The following SCP2 variants were observed in gnomAD, a reference collection of about 807,000 sequenced individuals.
SCP2 encodes the protein sterol carrier protein 2.
Under a neutral mutation model 71.4 loss-of-function variants are expected in SCP2, and 48 were observed. The observed-to-expected ratio is 0.67, with a 90% CI of 0.53 to 0.86. The LOEUF is 0.86. Ranked by LOEUF, SCP2 falls within the 40% of genes least tolerant of loss-of-function variation. The pLI is 0.00. For missense variants in SCP2, 560 were observed against 655.6 expected, an observed-to-expected ratio of 0.85 and a Z score of 1.59; for synonymous variants, 220 against 218.1, an observed-to-expected ratio of 1.01 and a Z score of -0.08.
chr1:52,986,250 T>C (rs6670262), intron 10 of SCP2, among the ~76,000 whole-genome samples: 21,986 of 152,268 alleles, frequency 0.14, 2,205 homozygotes, highest in East Asian at 0.32. Context: ...TTTAATACTT[T>C]ACAAGATTGT....
intron 11 of SCP2, among the ~76,000 whole-genome samples, chr1:52,996,850 G>A (rs1488489744): frequency 1.3e-5 from 2 of 152,200 alleles, no homozygotes; most frequent in Admixed American, 6.5e-5. Context: ...TCATTCCCCA[G>A]AGGGAAGGGG....
intron 6 of SCP2, among the ~76,000 whole-genome samples, 194 bp from the exon 7 acceptor site, chr1:52,974,575 T>G (rs1173262568): frequency 6.6e-6 from 1 of 152,216 alleles, no homozygotes; most frequent in African/African-American, 2.4e-5. Flanking sequence ...GTTGATTCAG[T>G]TCGTTAATTA....
At chr1:52,960,129 A>G (rs1656205246) in intron 5 of SCP2, among the ~76,000 whole-genome samples, 1 of 151,844 alleles carries the variant, frequency 6.6e-6, no homozygotes, top group Non-Finnish European at 1.5e-5. Flanking sequence ...TGACCTCGTG[A>G]TCCGCCCGCC....
At chr1:52,978,450 A>G in intron 9 of SCP2, 83 bp downstream of exon 9, 1 of 1,059,348 alleles carries the variant, frequency 9.4e-7, no homozygotes. Context: ...ATTATTATAT[A>G]ATAACTTTTA....
chr1:52,981,050 G>T (rs1221745466), intron 10 of SCP2, among the ~76,000 whole-genome samples: 4 of 152,180 alleles, frequency 2.6e-5, no homozygotes, highest in Non-Finnish European at 5.9e-5. Flanking sequence ...TCCTGCCTCA[G>T]CCTCCTGTGT....
At chr1:53,023,691 C>G (rs1040771099) in intron 12 of SCP2, among the ~76,000 whole-genome samples, 1 of 151,914 alleles carries the variant, frequency 6.6e-6, no homozygotes, top group African/African-American at 2.4e-5. Flanking sequence ...TATTCTGGAC[C>G]CAGGGAGCAG....
At chr1:53,006,901 A>C (rs1660672970) in intron 11 of SCP2, among the ~76,000 whole-genome samples, 1 of 152,186 alleles carries the variant, frequency 6.6e-6, no homozygotes, top group Non-Finnish European at 1.5e-5. Context: ...ACGTGCAGAG[A>C]CACACATAGG....
intron 13 of SCP2, among the ~76,000 whole-genome samples, chr1:53,037,661 A>G (rs952430016): frequency 4.0e-4 from 61 of 152,150 alleles, no homozygotes; most frequent in African/African-American, 1.3e-3. Context: ...AATTCTTTAT[A>G]CTGATAGAGA....
chr1:53,029,526 T>C (rs1036715267), intron 13 of SCP2, among the ~76,000 whole-genome samples: 5 of 152,192 alleles, frequency 3.3e-5, no homozygotes, highest in Non-Finnish European at 7.3e-5. Flanking sequence ...CAAAGTGGGC[T>C]GGAATAAATA....
At chr1:52,927,823 C>A (rs1402775145) in intron 1 of SCP2, among the ~76,000 whole-genome samples, 1 of 152,160 alleles carries the variant, frequency 6.6e-6, no homozygotes, top group Non-Finnish European at 1.5e-5. Flanking sequence ...GAACAGCCCC[C>A]ACAGGAGCCC....
intron 11 of SCP2, among the ~76,000 whole-genome samples, chr1:53,010,396 A>G (rs1572181484): frequency 6.6e-6 from 1 of 152,238 alleles, no homozygotes; most frequent in East Asian, 1.9e-4. Flanking sequence ...CATCAATGAT[A>G]TAGTGGATTA....
At chr1:53,048,118 G>T in intron 15 of SCP2, 181 bp downstream of exon 15, 1 of 614,206 alleles carries the variant, frequency 1.6e-6, no homozygotes, top group Non-Finnish European at 3.0e-6. Flanking sequence ...TGTGCTGGAA[G>T]TGCCCAGAAG....
Position 52,980,507 on chromosome 1 carries a change from C to A in SCP2, c.937C>A (p.Leu313Ile). Residue 313 changes from leucine (L) to isoleucine (I), a missense_variant, in exon 10 of 16, where the codon CTC (leucine) becomes ATC (isoleucine). Transcript: ENST00000371514. ...ELHDCFSTNE[L>I]LTYEALGLCP... ...TCACGATTGCTTTTCTACCAACGAACTCCTTACTTATGAAGCACTGGGACT... is the reference window on the plus strand; with the variant it reads ...TCACGATTGCTTTTCTACCAACGAAATCCTTACTTATGAAGCACTGGGACT... 1 of 1,613,982 alleles carries A rather than the reference C, an allele frequency of 6.2e-7. No homozygotes were observed. The highest frequency in any genetic ancestry group is 8.5e-7 in the Non-Finnish European group (1 of 1,179,854).
At chr1:53,037,941 C>A (rs12064068) in intron 13 of SCP2, among the ~76,000 whole-genome samples, 1 of 125,062 alleles carries the variant, frequency 8.0e-6, no homozygotes, top group African/African-American at 2.8e-5. Flanking sequence ...GATCCAGATC[C>A]TGTCTCTATA....
chr1:52,966,471 G>GT (rs1403645358), intron 6 of SCP2, among the ~76,000 whole-genome samples: 5 of 151,754 alleles, frequency 3.3e-5, no homozygotes, highest in Admixed American at 1.3e-4. Flanking sequence ...GTGTATTGCT[G>GT]TTTTTAACAT....
intron 12 of SCP2, among the ~76,000 whole-genome samples, chr1:53,026,280 T>G (rs1031541574): frequency 6.6e-6 from 1 of 152,190 alleles, no homozygotes; most frequent in Non-Finnish European, 1.5e-5. Flanking sequence ...TATTCTCTTT[T>G]GATTATTCTC....
chr1:53,002,837 C>A lies in SCP2; in HGVS notation c.1082-12053C>A, dbSNP rs185044314. ...ATGTGAGAAGAAGTGGAATTTTAAC[C>A]AAGGGACCGAGCATTTTCAAATCAA... On this transcript the variant is annotated intron_variant, in intron 11 of 15. Coordinates refer to ENST00000371514, the MANE Select transcript of SCP2 (RefSeq NM_002979.5). Among the ~76,000 whole-genome samples the A allele has an allele frequency of 2.9e-4, 44 of 152,198 alleles. No individual in the cohort carries two copies. In the East Asian group the frequency reaches 7.7e-3, roughly 27 times the overall value.
At chr1:52,988,730 G>A (rs1659213698) in intron 11 of SCP2, among the ~76,000 whole-genome samples, 1 of 149,182 alleles carries the variant, frequency 6.7e-6, no homozygotes, top group Non-Finnish European at 1.5e-5. Context: ...CTGTTGCCCA[G>A]GCTGGAAAGA....
intron 2 of SCP2, among the ~76,000 whole-genome samples, chr1:52,944,379 A>T (rs964590306): frequency 6.6e-6 from 1 of 152,058 alleles, no homozygotes; most frequent in Non-Finnish European, 1.5e-5. Flanking sequence ...TGATTATTCA[A>T]CTCAATACTT....
Sources: allele counts gnomAD v4.1 joint callset (sites outside exome capture counted in the v4.1 genomes callset), GRCh38; gene constraint gnomAD v4.1.1; transcripts MANE v1.5; gene names NCBI Gene and HGNC (gene_info 2026-07-23, HGNC 2026-07-21).